Variants in SEC14L5 observed in about 807,000 individuals in gnomAD.
SEC14L5 encodes the protein SEC14-like protein 5.
SEC14L5 carries 96 observed loss-of-function variants against 84.6 expected under a neutral mutation model. The observed-to-expected ratio is 1.13, with a 90% CI of 0.96 to 1.34. The LOEUF (loss-of-function observed/expected upper bound fraction) is 1.34, where lower values mean the gene tolerates loss of function less well. Among genes scored for constraint, SEC14L5 ranks in the 40% most tolerant of loss-of-function variants. SEC14L5 has a pLI of 0.00. For missense variants in SEC14L5, 1,224 were observed against 942.5 expected, an observed-to-expected ratio of 1.30 and a Z score of -3.91; for synonymous variants, 546 against 383.4, an observed-to-expected ratio of 1.42 and a Z score of -4.95.
In SEC14L5 at chr16:4,999,790, C is replaced by T. The variant is rs145528013; in HGVS notation, c.971-865C>T. On this transcript the variant is annotated intron_variant, in intron 8 of 15. Coordinates refer to ENST00000251170, the MANE Select transcript of SEC14L5 (RefSeq NM_014692.2). ...ATTAGCCAAGCGTGGTGGTGCATGC[C>T]GGTAGTCCCAGCTACCTGGGAGGCC... 7.4e-3 allele frequency among the ~76,000 whole-genome samples: 1,121 copies of T among 151,896 alleles called. 6 individuals carry two copies. Among genetic ancestry groups the T allele is most frequent in the Admixed American group, 0.012 (182 of 15,250 alleles).
At chr16:4,984,788 C>G (rs1378706098) in intron 2 of SEC14L5, among the ~76,000 whole-genome samples, 1 of 152,204 alleles carries the variant, frequency 6.6e-6, no homozygotes, top group Non-Finnish European at 1.5e-5. Context: ...TCCCTAGTGA[C>G]TAATGATGTT....
intron 6 of SEC14L5, among the ~76,000 whole-genome samples, chr16:4,995,298 G>T (rs1444489763): frequency 6.6e-6 from 1 of 152,174 alleles, no homozygotes; most frequent in Non-Finnish European, 1.5e-5. Flanking sequence ...CTAAGAGTGG[G>T]GGAACAGGAC....
In SEC14L5 at chr16:5,012,606, G is replaced by C. The variant is rs1955818460; in HGVS notation, c.1979+1333G>C. On this transcript the variant is annotated intron_variant, in intron 15 of 15. Coordinates refer to ENST00000251170, the MANE Select transcript of SEC14L5 (RefSeq NM_014692.2). ...CTGTGTTAGTCCGTTTCCACACTGT[G>C]AGAAAGAACTACCTGAGGCCGGGTG... 2.0e-5 allele frequency among the ~76,000 whole-genome samples: 3 copies of C among 152,232 alleles called. No individual in the cohort carries two copies. The South Asian group carries it at 6.2e-4, about 31-fold the overall frequency.
intron 6 of SEC14L5, among the ~76,000 whole-genome samples, chr16:4,993,470 G>A (rs1020039284): frequency 2.0e-5 from 3 of 152,154 alleles, no homozygotes; most frequent in Admixed American, 6.5e-5. Flanking sequence ...TTGAACTCCT[G>A]ACCTCAGGTG....
chr16:4,971,848 T>G (rs1479007917), intron 2 of SEC14L5, among the ~76,000 whole-genome samples: 2 of 152,194 alleles, frequency 1.3e-5, no homozygotes, highest in African/African-American at 4.8e-5. Flanking sequence ...AAATATTGGC[T>G]GAACGTCTAC....
At chr16:4,962,402 C>G (rs1374414448) in intron 2 of SEC14L5, among the ~76,000 whole-genome samples, 4 of 151,986 alleles carry the variant, frequency 2.6e-5, no homozygotes, top group African/African-American at 4.8e-5. Flanking sequence ...TCTATATTAT[C>G]TGTGGCCAGG....
intron 15 of SEC14L5, among the ~76,000 whole-genome samples, chr16:5,013,550 CTTTTTTTT>C (rs869041446): frequency 4.5e-4 from 20 of 44,936 alleles, no homozygotes; most frequent in Non-Finnish European, 7.1e-4. Context: ...GCTTGCCTGG[CTTTTTTTT>C]TTTTTTTTTT....
At chr16:4,983,918 A>G (rs182555960) in intron 2 of SEC14L5, among the ~76,000 whole-genome samples, 1 of 148,036 alleles carries the variant, frequency 6.8e-6, no homozygotes, top group Non-Finnish European at 1.5e-5. Flanking sequence ...ATAAATAAAT[A>G]GTATATGTAT....
intron 15 of SEC14L5, among the ~76,000 whole-genome samples, chr16:5,012,718 A>G (rs887056716): frequency 3.2e-4 from 48 of 152,252 alleles, no homozygotes; most frequent in African/African-American, 1.1e-3. Flanking sequence ...CAGCCTAGCC[A>G]ACATGGCGAA....
intron 2 of SEC14L5, among the ~76,000 whole-genome samples, chr16:4,966,737 G>A (rs1040979510): frequency 2.0e-5 from 3 of 152,132 alleles, no homozygotes; most frequent in African/African-American, 4.8e-5. Flanking sequence ...AGGCAGTTCG[G>A]CCCCTCAATT....
At chr16:5,005,468 G>A (rs75786910) in intron 11 of SEC14L5, among the ~76,000 whole-genome samples, 7,659 of 152,102 alleles carry the variant, frequency 0.05, 623 homozygotes, top group African/African-American at 0.17. Context: ...TGTCTAGGTA[G>A]AGGTGCTGGC....
chr16:4,971,898 G>A (rs560245200), intron 2 of SEC14L5, among the ~76,000 whole-genome samples: 1 of 152,266 alleles, frequency 6.6e-6, no homozygotes, highest in East Asian at 1.9e-4. Context: ...GGAATTCAGT[G>A]GTAAATGAAA....
chr16:5,003,368 G>T (rs1464378380), intron 10 of SEC14L5, 34 bp from the exon 11 acceptor site: 14 of 1,589,764 alleles, frequency 8.8e-6, no homozygotes, highest in Non-Finnish European at 9.5e-6. Flanking sequence ...GGAGGCAGCA[G>T]AGCCAGGTGG....
intron 9 of SEC14L5, 38 bp from the exon 10 acceptor site, chr16:5,000,817 C>A: frequency 6.4e-7 from 1 of 1,574,636 alleles, no homozygotes; most frequent in Non-Finnish European, 8.6e-7. Flanking sequence ...GGTAAAGCAG[C>A]GAGGCGGACG....
chr16:4,982,805 C>G (rs921089505), intron 2 of SEC14L5, among the ~76,000 whole-genome samples: 1 of 152,200 alleles, frequency 6.6e-6, no homozygotes, highest in Non-Finnish European at 1.5e-5. Flanking sequence ...CACCCAAGGT[C>G]ACACAGCTTG....
intron 14 of SEC14L5, 177 bp from the exon 15 acceptor site, chr16:5,010,918 A>T: frequency 1.6e-6 from 1 of 622,216 alleles, no homozygotes; most frequent in Non-Finnish European, 2.8e-6. Context: ...TGGGGATAAT[A>T]GCAAGGATGG....
intron 2 of SEC14L5, among the ~76,000 whole-genome samples, chr16:4,978,495 T>TGCA (rs1396664968): frequency 6.8e-6 from 1 of 146,800 alleles, no homozygotes; most frequent in Non-Finnish European, 1.5e-5. Flanking sequence ...CATAGCTCAT[T>TGCA]GCAGCCTTGA....
chr16:5,010,508 A>G (rs1955787755), intron 14 of SEC14L5, among the ~76,000 whole-genome samples: 1 of 152,130 alleles, frequency 6.6e-6, no homozygotes, highest in South Asian at 2.1e-4. Flanking sequence ...TGACACATGC[A>G]CACACGCAGC....
intron 5 of SEC14L5, 31 bp from the exon 6 acceptor site, chr16:4,991,807 C>T: frequency 6.6e-7 from 1 of 1,523,000 alleles, no homozygotes; most frequent in Non-Finnish European, 8.9e-7. Context: ...CTGCCCCGTG[C>T]TCATGTGTCT....
Sources: allele counts gnomAD v4.1 joint callset (sites outside exome capture counted in the v4.1 genomes callset), GRCh38; gene constraint gnomAD v4.1.1; transcripts MANE v1.5; gene names NCBI Gene and HGNC (gene_info 2026-07-23, HGNC 2026-07-21).